Variants in SNTG1 observed in about 807,000 individuals in gnomAD.
SNTG1 encodes the protein syntrophin gamma 1.
SNTG1 carries 39 observed loss-of-function variants against 74.7 expected under a neutral mutation model. The ratio of observed to expected loss-of-function variants is 0.52; its 90% CI spans 0.40 to 0.68. SNTG1 has a LOEUF of 0.68. Among genes scored for constraint, SNTG1 ranks in the 30% least tolerant of loss-of-function variants. The pLI is 0.00. For synonymous variants in SNTG1, 254 were observed against 217.1 expected, an observed-to-expected ratio of 1.17 and a Z score of -1.49; for missense variants, 685 against 609.5, an observed-to-expected ratio of 1.12 and a Z score of -1.30.
chr8:50,750,807 G>A (rs193161405), intron 17 of SNTG1, among the ~76,000 whole-genome samples: 6 of 151,884 alleles, frequency 4.0e-5, no homozygotes, highest in Non-Finnish European at 7.4e-5. Context: ...TATATGCATT[G>A]GGGAACCAAA....
At chr8:49,913,469 G>A (rs1308797384) in intron 1 of SNTG1, among the ~76,000 whole-genome samples, 4 of 152,142 alleles carry the variant, frequency 2.6e-5, no homozygotes, top group Non-Finnish European at 5.9e-5. Flanking sequence ...CTTGTTTTAT[G>A]TTGGCTGAGT....
intron 4 of SNTG1, among the ~76,000 whole-genome samples, chr8:50,418,207 C>T (rs534221028): frequency 9.2e-5 from 14 of 152,236 alleles, no homozygotes; most frequent in African/African-American, 3.4e-4. Context: ...CCCACTACTC[C>T]ACTGACATTT....
At chr8:50,769,152 T>A (rs1014775443) in intron 18 of SNTG1, among the ~76,000 whole-genome samples, 3 of 151,636 alleles carry the variant, frequency 2.0e-5, no homozygotes, top group East Asian at 1.9e-4. Context: ...TTAAGAGTAC[T>A]CTGTACTCTT....
chr8:50,337,056 G>C (rs1000700457), intron 2 of SNTG1, among the ~76,000 whole-genome samples: 2 of 152,080 alleles, frequency 1.3e-5, no homozygotes, highest in East Asian at 1.9e-4. Context: ...TAGTCCCCCT[G>C]GCTTTTTTCC....
At chr8:50,424,964 G>T (rs927046217) in intron 4 of SNTG1, among the ~76,000 whole-genome samples, 11 of 152,072 alleles carry the variant, frequency 7.2e-5, no homozygotes, top group Non-Finnish European at 1.2e-4. Flanking sequence ...TATATTTACA[G>T]GTGAAACTGG....
chr8:50,248,418 T>C (rs1193065243), intron 2 of SNTG1, among the ~76,000 whole-genome samples: 6 of 152,230 alleles, frequency 3.9e-5, no homozygotes, highest in Admixed American at 3.9e-4. Context: ...CATGTTCTTA[T>C]ACATCTTTGC....
chr8:50,257,253 C>T (rs557659359), intron 2 of SNTG1, among the ~76,000 whole-genome samples: 1 of 152,264 alleles, frequency 6.6e-6, no homozygotes, highest in Admixed American at 6.5e-5. Flanking sequence ...AAATACTGGA[C>T]CCTATTGTCC....
At chr8:50,250,265 A>G (rs920374331) in intron 2 of SNTG1, among the ~76,000 whole-genome samples, 1 of 151,904 alleles carries the variant, frequency 6.6e-6, no homozygotes, top group East Asian at 1.9e-4. Context: ...ACCCTATCAG[A>G]AAAAAATTTA....
At chr8:50,634,315 C>T (rs991268996) in intron 13 of SNTG1, among the ~76,000 whole-genome samples, 1 of 152,200 alleles carries the variant, frequency 6.6e-6, no homozygotes, top group African/African-American at 2.4e-5. Flanking sequence ...CTAACTGTGG[C>T]ACAAATCACC....
At chr8:50,419,269 C>CCA (rs540082502) in intron 4 of SNTG1, among the ~76,000 whole-genome samples, 78 of 151,932 alleles carry the variant, frequency 5.1e-4, no homozygotes, top group Admixed American at 1.2e-3. Context: ...TACCAAAATA[C>CCA]CACACACACA....
intron 8 of SNTG1, among the ~76,000 whole-genome samples, chr8:50,463,398 A>T (rs1435190073): frequency 6.6e-6 from 1 of 152,194 alleles, no homozygotes. Flanking sequence ...GTATTTCCTA[A>T]TAACAAAACT....
intron 8 of SNTG1, among the ~76,000 whole-genome samples, chr8:50,468,395 C>T (rs2093626324): frequency 6.6e-6 from 1 of 151,794 alleles, no homozygotes; most frequent in Non-Finnish European, 1.5e-5. Flanking sequence ...TATTTCATTC[C>T]CCCCCTTAGC....
intron 2 of SNTG1, among the ~76,000 whole-genome samples, chr8:50,387,306 A>G (rs547711122): frequency 6.6e-6 from 1 of 152,244 alleles, no homozygotes; most frequent in Admixed American, 6.5e-5. Flanking sequence ...GCTCTTTAAC[A>G]GAGCCACCAC....
At chr8:50,043,698 T>A (rs546533772) in intron 1 of SNTG1, among the ~76,000 whole-genome samples, 33 of 152,296 alleles carry the variant, frequency 2.2e-4, no homozygotes, top group Middle Eastern at 6.8e-3. Context: ...AACAGTAAAA[T>A]TAAAGATGCT....
At chr8:50,258,493 A>T (rs2130037872) in intron 2 of SNTG1, among the ~76,000 whole-genome samples, 1 of 152,340 alleles carries the variant, frequency 6.6e-6, no homozygotes, top group African/African-American at 2.4e-5. Context: ...CAAAGCAATT[A>T]TTGTAAAAAT....
At chr8:50,715,342 C>T (rs1192374709) in intron 17 of SNTG1, among the ~76,000 whole-genome samples, 2 of 152,052 alleles carry the variant, frequency 1.3e-5, no homozygotes, top group East Asian at 1.9e-4. Context: ...ATACTAGGTC[C>T]CCCAAATTGT....
At chr8:49,931,208 T>C (rs1035011269) in intron 1 of SNTG1, among the ~76,000 whole-genome samples, 9 of 152,232 alleles carry the variant, frequency 5.9e-5, no homozygotes, top group Admixed American at 6.5e-5. Context: ...GGAACTCTCA[T>C]ATTGCAGGTG....
chr8:50,084,311 A>G (rs1822676579), intron 1 of SNTG1, among the ~76,000 whole-genome samples: 1 of 152,002 alleles, frequency 6.6e-6, no homozygotes, highest in African/African-American at 2.4e-5. Flanking sequence ...AAACACAAAG[A>G]TTAGCCTGGC....
chr8:49,912,173 GC>G lies in SNTG1; in HGVS notation c.-160del, dbSNP rs1490462638. On this transcript the variant is annotated 5_prime_UTR_variant, in exon 1 of 19. Transcript: ENST00000642720. ...TAGCTTTGTGAAAAGAGGGTGGAGAGCTACTCAAAATTCTACGTTAGAGAGA... is the reference window on the plus strand; with the variant it reads ...TAGCTTTGTGAAAAGAGGGTGGAGAGTACTCAAAATTCTACGTTAGAGAGA... The G allele has an allele frequency of 1.3e-5, 2 of 152,174 alleles. No homozygotes were observed. The highest frequency in any genetic ancestry group is 2.9e-5 in the Non-Finnish European group (2 of 68,048). The allele number at this position is 152,174 out of a possible 1,614,324, so 9.4% of individuals were successfully genotyped here.
Sources: allele counts gnomAD v4.1 joint callset (sites outside exome capture counted in the v4.1 genomes callset), GRCh38; gene constraint gnomAD v4.1.1; transcripts MANE v1.5; gene names NCBI Gene and HGNC (gene_info 2026-07-23, HGNC 2026-07-21).